QTMAN: variants seen among roughly 807,000 people sequenced by gnomAD.
QTMAN encodes the protein tRNA-queuosine alpha-mannosyltransferase.
the QTMAN span, among the ~76,000 whole-genome samples, chr2:144,270,862 T>C: frequency 6.6e-6 from 1 of 152,106 alleles, no homozygotes; most frequent in Non-Finnish European, 1.5e-5. Flanking sequence ...GAAAAGATAA[T>C]AACACTTAAA....
the QTMAN span, among the ~76,000 whole-genome samples, chr2:144,154,466 T>A: frequency 3.9e-4 from 59 of 152,246 alleles, no homozygotes; most frequent in African/African-American, 1.3e-3. Flanking sequence ...TAATACTCCT[T>A]AACACAAGAG....
chr2:144,025,519 G>C, the QTMAN span, among the ~76,000 whole-genome samples: 1 of 152,330 alleles, frequency 6.6e-6, no homozygotes, highest in African/African-American at 2.4e-5. Context: ...GTGGTGCGGG[G>C]AGGGAGCTAG....
the QTMAN span, among the ~76,000 whole-genome samples, chr2:144,243,951 G>A: frequency 6.6e-6 from 1 of 152,150 alleles, no homozygotes. Context: ...AACTTGTTTA[G>A]ATTTACTGGC....
chr2:144,316,276 C>T, the QTMAN span, among the ~76,000 whole-genome samples: 14 of 151,816 alleles, frequency 9.2e-5, no homozygotes, highest in Admixed American at 4.6e-4. Context: ...TGTTCCTAAC[C>T]AAATGGGTCC....
At chr2:144,013,926 G>C in the QTMAN span, among the ~76,000 whole-genome samples, 1 of 152,128 alleles carries the variant, frequency 6.6e-6, no homozygotes, top group African/African-American at 2.4e-5. Flanking sequence ...TCACTTATAT[G>C]ATGAGCAGAT....
chr2:144,196,139 A>G, the QTMAN span, among the ~76,000 whole-genome samples: 1 of 152,016 alleles, frequency 6.6e-6, no homozygotes, highest in Non-Finnish European at 1.5e-5. Flanking sequence ...ACAAAATGAA[A>G]GCTAAGAATC....
chr2:144,251,782 TAAG>T, the QTMAN span, among the ~76,000 whole-genome samples: 1 of 152,274 alleles, frequency 6.6e-6, no homozygotes, highest in South Asian at 2.1e-4. Context: ...CTCAAGAGAA[TAAG>T]AAGACAAGTC....
chr2:144,130,798 T>A, the QTMAN span, among the ~76,000 whole-genome samples: 1 of 151,912 alleles, frequency 6.6e-6, no homozygotes, highest in South Asian at 2.1e-4. Flanking sequence ...AGACATGGTA[T>A]TGAAACAGCT....
the QTMAN span, among the ~76,000 whole-genome samples, chr2:144,053,463 T>C: frequency 2.0e-5 from 3 of 152,232 alleles, no homozygotes; most frequent in African/African-American, 4.8e-5. Context: ...TTATTCAGTA[T>C]ATTATTATAT....
the QTMAN span, among the ~76,000 whole-genome samples, chr2:144,301,317 G>T: frequency 6.6e-6 from 1 of 152,154 alleles, no homozygotes; most frequent in East Asian, 1.9e-4. Context: ...CCGCTTCCCA[G>T]ATGCAAGTGA....
At chr2:144,299,830 T>C in the QTMAN span, among the ~76,000 whole-genome samples, 2 of 152,222 alleles carry the variant, frequency 1.3e-5, no homozygotes, top group African/African-American at 2.4e-5. Context: ...CCTACATTCA[T>C]AGTAGCATTG....
At chr2:143,959,276 C>T in the QTMAN span, among the ~76,000 whole-genome samples, 2 of 151,934 alleles carry the variant, frequency 1.3e-5, no homozygotes, top group Non-Finnish European at 1.5e-5. Context: ...ATTCTCAACA[C>T]CATCAGTCTG....
At chr2:143,976,323 G>GGCAATAAGGATATGGAGAA in the QTMAN span, among the ~76,000 whole-genome samples, 11 of 152,188 alleles carry the variant, frequency 7.2e-5, no homozygotes, top group Middle Eastern at 0.01. Flanking sequence ...GATAATAGAT[G>GGCAATAAGGATATGGAGAA]GCAATAAGGA....
At chr2:144,039,425 AACCATGTCT>A in the QTMAN span, among the ~76,000 whole-genome samples, 1 of 152,112 alleles carries the variant, frequency 6.6e-6, no homozygotes, top group African/African-American at 2.4e-5. Flanking sequence ...TTAGGATGAG[AACCATGTCT>A]TCTGGTTTCT....
the QTMAN span, among the ~76,000 whole-genome samples, chr2:144,151,198 T>C: frequency 6.6e-6 from 1 of 152,188 alleles, no homozygotes; most frequent in Non-Finnish European, 1.5e-5. Flanking sequence ...TATTGCATAC[T>C]TTCATTTCTT....
the QTMAN span, among the ~76,000 whole-genome samples, chr2:144,312,200 T>G: frequency 2.0e-5 from 3 of 149,856 alleles, no homozygotes; most frequent in African/African-American, 7.3e-5. Flanking sequence ...TTTTTTTTTT[T>G]GAATAAAGAC....
the QTMAN span, among the ~76,000 whole-genome samples, chr2:144,276,997 A>C: frequency 2.0e-4 from 30 of 152,336 alleles, no homozygotes; most frequent in Non-Finnish European, 3.8e-4. Context: ...GATGTGGCAC[A>C]CAGTGAACAT....
At chr2:144,047,175 G>A in the QTMAN span, among the ~76,000 whole-genome samples, 1 of 152,154 alleles carries the variant, frequency 6.6e-6, no homozygotes, top group Non-Finnish European at 1.5e-5. Context: ...GGAGGCTGAG[G>A]CAGGAGAATT....
chr2:144,277,287 T>C, the QTMAN span, among the ~76,000 whole-genome samples: 1 of 152,180 alleles, frequency 6.6e-6, no homozygotes, highest in Non-Finnish European at 1.5e-5. Flanking sequence ...AGTACTAGTC[T>C]ACAGAACAGT....
Sources: gnomAD v4.1 joint callset for allele counts (sites outside exome capture counted in the v4.1 genomes callset) on GRCh38, gnomAD v4.1.1 for gene constraint, MANE v1.5 for transcripts, NCBI Gene and HGNC (gene_info 2026-07-23, HGNC 2026-07-21) for gene names.